RASA1: variants seen among roughly 807,000 people sequenced by gnomAD.
The protein encoded by RASA1 is ras GTPase-activating protein 1.
A neutral mutation model predicts 132.2 loss-of-function variants in RASA1; 25 were observed. The ratio of observed to expected loss-of-function variants is 0.19; its 90% CI spans 0.14 to 0.26. RASA1 has a LOEUF of 0.26. Ranked by LOEUF, RASA1 falls within the 10% of genes least tolerant of loss-of-function variation. The pLI, the probability that RASA1 is intolerant of heterozygous loss-of-function variation, is 1.00. For synonymous variants in RASA1, 477 were observed against 449.9 expected (o/e 1.06, Z -0.76); for missense variants, 964 against 1,299.2 (o/e 0.74, Z 3.97).
chr5:87,335,419 G>GTTTTTTTT (rs34986349), intron 4 of RASA1, among the ~76,000 whole-genome samples: 12 of 72,924 alleles, frequency 1.6e-4, no homozygotes, highest in African/African-American at 2.8e-4. Flanking sequence ...AAAGAATGAG[G>GTTTTTTTT]TTTTTTTTTT....
At chr5:87,293,303 G>A (rs1754985409) in intron 1 of RASA1, among the ~76,000 whole-genome samples, 1 of 151,406 alleles carries the variant, frequency 6.6e-6, no homozygotes, top group African/African-American at 2.4e-5. Flanking sequence ...AATTTGCTCA[G>A]CGTTTTAGTC....
chr5:87,357,691 C>T (rs1973017), intron 9 of RASA1, among the ~76,000 whole-genome samples: 55,128 of 151,512 alleles, frequency 0.36, 10,296 homozygotes, highest in East Asian at 0.5. Context: ...GGAGACAGAA[C>T]GAGATTCCAT....
At chr5:87,379,421 T>C (rs1489564808) in intron 18 of RASA1, among the ~76,000 whole-genome samples, 8 of 152,214 alleles carry the variant, frequency 5.3e-5, no homozygotes, top group Non-Finnish European at 1.2e-4. Context: ...GCATTTGATA[T>C]TTTTATTAGC....
At chr5:87,271,712 C>G (rs887219631) in intron 1 of RASA1, among the ~76,000 whole-genome samples, 101 of 151,448 alleles carry the variant, frequency 6.7e-4, no homozygotes, top group Non-Finnish European at 1.2e-3. Context: ...CGAACTCTGA[C>G]CTCAGGTGAT....
chr5:87,283,019 AATT>A (rs1327761256), intron 1 of RASA1, among the ~76,000 whole-genome samples: 2 of 152,086 alleles, frequency 1.3e-5, no homozygotes, highest in African/African-American at 2.4e-5. Flanking sequence ...GTATGCAGTA[AATT>A]ATTATTATAA....
intron 1 of RASA1, among the ~76,000 whole-genome samples, chr5:87,280,159 C>T (rs925222007): frequency 4.6e-5 from 7 of 152,248 alleles, no homozygotes; most frequent in Non-Finnish European, 8.8e-5. Flanking sequence ...GTCTTACTCT[C>T]CTCATTCACT....
chr5:87,338,821 C>T (rs1214037281), intron 5 of RASA1, among the ~76,000 whole-genome samples: 1 of 151,626 alleles, frequency 6.6e-6, no homozygotes, highest in East Asian at 1.9e-4. Context: ...TTCCAGTAAA[C>T]TTGGAAGAAT....
At chr5:87,285,235 T>G (rs1177479555) in intron 1 of RASA1, among the ~76,000 whole-genome samples, 4 of 151,780 alleles carry the variant, frequency 2.6e-5, no homozygotes, top group African/African-American at 9.7e-5. Context: ...GCCCAGCTAA[T>G]TTTTATATTT....
At chr5:87,271,399 A>G (rs540395965) in intron 1 of RASA1, among the ~76,000 whole-genome samples, 21 of 151,440 alleles carry the variant, frequency 1.4e-4, no homozygotes, top group African/African-American at 5.1e-4. Flanking sequence ...TTTATAACTA[A>G]ATTAGGTATA....
chr5:87,282,941 A>G (rs2112248634), intron 1 of RASA1, among the ~76,000 whole-genome samples: 1 of 152,222 alleles, frequency 6.6e-6, no homozygotes, highest in Middle Eastern at 3.4e-3. Context: ...GAGCTAATTA[A>G]CCTGCGTTAC....
intron 1 of RASA1, among the ~76,000 whole-genome samples, chr5:87,303,629 A>G (rs1315502246): frequency 6.6e-6 from 1 of 151,992 alleles, no homozygotes; most frequent in East Asian, 1.9e-4. Flanking sequence ...TTCCCTTGAG[A>G]GAACATACTC....
At chr5:87,352,397 C>G (rs1190257814) in intron 8 of RASA1, among the ~76,000 whole-genome samples, 1 of 151,362 alleles carries the variant, frequency 6.6e-6, no homozygotes, top group African/African-American at 2.4e-5. Context: ...CTCAAAAGTT[C>G]CCATTTGTCC....
At chr5:87,325,224 A>G (rs993408665) in intron 1 of RASA1, among the ~76,000 whole-genome samples, 4 of 152,190 alleles carry the variant, frequency 2.6e-5, no homozygotes, top group Non-Finnish European at 5.9e-5. Context: ...CACTATCACA[A>G]TAACAGCAGC....
chr5:87,338,859 A>G (rs1035611168), intron 5 of RASA1, among the ~76,000 whole-genome samples: 2 of 152,078 alleles, frequency 1.3e-5, no homozygotes, highest in African/African-American at 4.8e-5. Context: ...ATATTATCAC[A>G]TGGTTCTACA....
intron 6 of RASA1, among the ~76,000 whole-genome samples, chr5:87,342,382 C>T (rs1758537115): frequency 6.6e-6 from 1 of 152,142 alleles, no homozygotes; most frequent in Non-Finnish European, 1.5e-5. Context: ...TTGTCTTGAA[C>T]TCCTGACCTC....
intron 9 of RASA1, among the ~76,000 whole-genome samples, chr5:87,354,289 G>T (rs2112434509): frequency 6.6e-6 from 1 of 152,182 alleles, no homozygotes; most frequent in African/African-American, 2.4e-5. Flanking sequence ...CAAATTGAAG[G>T]TTTGTGGCAA....
intron 1 of RASA1, among the ~76,000 whole-genome samples, chr5:87,309,066 C>G (rs1440980614): frequency 6.6e-6 from 1 of 152,088 alleles, no homozygotes; most frequent in African/African-American, 2.4e-5. Flanking sequence ...TTAAAAAGAT[C>G]CCTTTCTGCC....
Position 87,391,192 on chromosome 5 carries a change from C to A in RASA1, c.*309C>A. 2.1e-6 allele frequency: 1 copy of A among 476,940 alleles called. No homozygotes were observed. The highest frequency in any genetic ancestry group is 1.9e-5 in the African/African-American group (1 of 52,196). 29.5% of individuals were successfully genotyped at this position (476,940 alleles called of 1,614,324 possible). ...ACTGTATCTTGATATCTCGAACTTT[C>A]AAAATATATTTTCAGTACACCCAGT... On this transcript the variant is annotated 3_prime_UTR_variant, in exon 25 of 25. Transcript: ENST00000274376.
intron 8 of RASA1, among the ~76,000 whole-genome samples, chr5:87,349,998 ACT>A (rs528765240): frequency 3.9e-4 from 59 of 151,778 alleles, no homozygotes; most frequent in Non-Finnish European, 8.3e-4. Context: ...ATAACTAATA[ACT>A]CTCTATTTCC....
Sources: gnomAD v4.1 joint callset for allele counts (sites outside exome capture counted in the v4.1 genomes callset) on GRCh38, gnomAD v4.1.1 for gene constraint, MANE v1.5 for transcripts, NCBI Gene and HGNC (gene_info 2026-07-23, HGNC 2026-07-21) for gene names.